The following AQR variants were observed in gnomAD, a reference collection of about 807,000 sequenced individuals.
AQR encodes aquarius intron-binding spliceosomal factor.
A neutral mutation model predicts 180.5 loss-of-function variants in AQR; 61 were observed. The observed-to-expected ratio is 0.34, with a 90% confidence interval of 0.28 to 0.42. The LOEUF is 0.42. AQR is among the 10% of genes least tolerant of loss of function. AQR has a pLI of 1.00. For synonymous variants in AQR, 551 were observed against 588.8 expected (o/e 0.94, Z 0.93); for missense variants, 1,281 against 1,798.3 (o/e 0.71, Z 5.20).
chr15:34,879,392 C>T (rs928558373), intron 27 of AQR, among the ~76,000 whole-genome samples: 4 of 151,880 alleles, frequency 2.6e-5, no homozygotes, highest in Non-Finnish European at 5.9e-5. Flanking sequence ...TTCATGTTAT[C>T]TCCTCTAGAA....
At chr15:34,957,094 C>T (rs1006602928) in intron 3 of AQR, among the ~76,000 whole-genome samples, 6 of 152,124 alleles carry the variant, frequency 3.9e-5, no homozygotes, top group African/African-American at 7.2e-5. Flanking sequence ...CTGAAAATGC[C>T]GTGAGCACAT....
At chr15:34,888,524 G>A (rs777082362) in intron 24 of AQR, among the ~76,000 whole-genome samples, 2 of 151,622 alleles carry the variant, frequency 1.3e-5, no homozygotes, top group African/African-American at 2.4e-5. Flanking sequence ...GTGAAACCCC[G>A]TCTCTACTAA....
chr15:34,929,205 T>C (rs986405185), intron 12 of AQR, among the ~76,000 whole-genome samples: 2 of 152,236 alleles, frequency 1.3e-5, no homozygotes, highest in African/African-American at 4.8e-5. Context: ...TTAGATCCCA[T>C]TTGTCAATTT....
intron 32 of AQR, chr15:34,863,264 G>T (rs1595779640): frequency 2.3e-6 from 1 of 437,814 alleles, no homozygotes; most frequent in South Asian, 4.3e-5. Flanking sequence ...TGAAGGGGAG[G>T]ATCACAAAAT....
At chr15:34,963,333 T>TTA (rs2050290293) in intron 2 of AQR, among the ~76,000 whole-genome samples, 1 of 152,194 alleles carries the variant, frequency 6.6e-6, no homozygotes, top group African/African-American at 2.4e-5. Context: ...TATTTGGGAA[T>TTA]TTGTCATATT....
intron 12 of AQR, among the ~76,000 whole-genome samples, chr15:34,930,053 C>G (rs527381592): frequency 1.3e-5 from 2 of 152,160 alleles, no homozygotes; most frequent in South Asian, 4.2e-4. Flanking sequence ...TAGCAAATAT[C>G]AGTATATTGA....
At chr15:34,945,214 T>C (rs1199555549) in intron 5 of AQR, among the ~76,000 whole-genome samples, 2 of 152,242 alleles carry the variant, frequency 1.3e-5, no homozygotes, top group Admixed American at 1.3e-4. Context: ...CTTAGATTCC[T>C]CTACTAGATG....
intron 16 of AQR, 110 bp from the exon 17 acceptor site, chr15:34,910,423 T>A: frequency 9.0e-7 from 1 of 1,111,920 alleles, no homozygotes; most frequent in Admixed American, 2.8e-5. Context: ...ATTTAAGTCC[T>A]AATATTAGTA....
intron 33 of AQR, among the ~76,000 whole-genome samples, chr15:34,861,175 T>C (rs983252041): frequency 3.9e-5 from 6 of 152,202 alleles, no homozygotes; most frequent in African/African-American, 9.6e-5. Context: ...AGCATGAAGT[T>C]AGAAATAATT....
At chr15:34,876,292 C>A (rs1011069008) in intron 27 of AQR, among the ~76,000 whole-genome samples, 1 of 152,066 alleles carries the variant, frequency 6.6e-6, no homozygotes, top group Non-Finnish European at 1.5e-5. Context: ...AATTGCAATG[C>A]CAGTTTGGTT....
Position 34,969,708 on chromosome 15 carries a change from T to G in AQR, c.-95A>C. 7.8e-7 allele frequency: 1 copy of G among 1,287,704 alleles called. No individual in the cohort carries two copies. Among genetic ancestry groups the G allele is most frequent in the East Asian group, 2.5e-5 (1 of 40,234 alleles). 79.8% of individuals were successfully genotyped at this position (1,287,704 alleles called of 1,614,324 possible). A position where few individuals can be genotyped will look rare whatever the true frequency, so the allele number is the denominator to read the frequency against. ...TTCCCTTAAGTTACTGCCGGGGCGC[T>G]TAACTCCGCGCCGCACAAACGCTCC... On this transcript the variant is annotated 5_prime_UTR_variant, in exon 1 of 35. Transcript: ENST00000156471.
At chr15:34,892,444 T>C (rs147502595) in intron 23 of AQR, among the ~76,000 whole-genome samples, 24 of 152,262 alleles carry the variant, frequency 1.6e-4, no homozygotes, top group African/African-American at 4.1e-4. Flanking sequence ...AAGGAAAAAA[T>C]AGCAATTTAA....
In AQR at chr15:34,854,052, T is replaced by C. The variant is rs1166773565; in HGVS notation, c.*2740A>G. 2.0e-5 allele frequency: 3 copies of C among 152,026 alleles called. No individual in the cohort carries two copies. Among genetic ancestry groups the C allele is most frequent in the Non-Finnish European group, 4.4e-5 (3 of 68,022 alleles). 9.4% of individuals were successfully genotyped at this position (152,026 alleles called of 1,614,324 possible). Reference sequence around the variant, plus strand: ...CATCTCAACTTTTATTACACCAACTTTGGGAGTCTTGATGATGTTTAAATC... The same window carrying C: ...CATCTCAACTTTTATTACACCAACTCTGGGAGTCTTGATGATGTTTAAATC... On this transcript the variant is annotated 3_prime_UTR_variant, in exon 35 of 35. Transcript: ENST00000156471.
At chr15:34,860,197 A>G in intron 33 of AQR, 42 bp from the exon 34 acceptor site, 1 of 1,058,674 alleles carries the variant, frequency 9.4e-7, no homozygotes, top group South Asian at 1.9e-5. Context: ...TAGTAAAACA[A>G]CCCTAGAAGG....
At chr15:34,895,579 A>G (rs1893231767) in intron 22 of AQR, among the ~76,000 whole-genome samples, 1 of 152,200 alleles carries the variant, frequency 6.6e-6, no homozygotes, top group Admixed American at 6.5e-5. Flanking sequence ...AGTAGACTTC[A>G]GAGCAAAGAA....
At chr15:34,946,430 T>TGGG (rs375288148) in intron 5 of AQR, among the ~76,000 whole-genome samples, 4,187 of 98,220 alleles carry the variant, frequency 0.043, 454 homozygotes, top group Admixed American at 0.052. Context: ...GGGAGGGAGG[T>TGGG]GGGGGGGGTC....
intron 24 of AQR, 75 bp from the exon 25 acceptor site, chr15:34,886,736 G>C: frequency 7.1e-7 from 1 of 1,416,638 alleles, no homozygotes; most frequent in Non-Finnish European, 9.5e-7. Context: ...CAAAATTCAA[G>C]AAAATCATAA....
intron 11 of AQR, among the ~76,000 whole-genome samples, chr15:34,930,818 CTTTTTTTTTTTTTT>C (rs77229498): frequency 8.3e-5 from 7 of 84,768 alleles, no homozygotes; most frequent in East Asian, 6.9e-4. Context: ...TACGCCACTT[CTTTTTTTTTTTTTT>C]TTTTTTTTTT....
At chr15:34,896,061 A>G (rs1893238748) in intron 22 of AQR, among the ~76,000 whole-genome samples, 1 of 152,238 alleles carries the variant, frequency 6.6e-6, no homozygotes. Context: ...TAACTGGAAG[A>G]TTACAGGGAA....
Sources: allele counts gnomAD v4.1 joint callset (sites outside exome capture counted in the v4.1 genomes callset), GRCh38; gene constraint gnomAD v4.1.1; transcripts MANE v1.5; gene names NCBI Gene and HGNC (gene_info 2026-07-23, HGNC 2026-07-21).